The following RNF212B variants were observed in gnomAD, a reference collection of about 807,000 sequenced individuals.
RNF212B encodes ring finger protein 212B.
In RNF212B, 52 loss-of-function variants were observed where a neutral mutation model predicts 55.5. The observed-to-expected ratio is 0.94, with a 90% CI of 0.75 to 1.18. RNF212B has a LOEUF of 1.18. Ranked by LOEUF, RNF212B falls within the 50% of genes most tolerant of loss-of-function variation. The probability of loss-of-function intolerance (pLI) is 0.00; values close to 1 mark genes in which losing one functional copy is unlikely to be tolerated. For synonymous variants in RNF212B, 99 were observed against 121.4 expected, an observed-to-expected ratio of 0.82 and a Z score of 1.21; for missense variants, 289 against 350.4, an observed-to-expected ratio of 0.82 and a Z score of 1.40.
intron 2 of RNF212B, among the ~76,000 whole-genome samples, chr14:23,208,296 G>A (rs917719990): frequency 6.6e-6 from 1 of 152,134 alleles, no homozygotes; most frequent in African/African-American, 2.4e-5. Flanking sequence ...GAAGATCACT[G>A]GAGGCCAGGA....
upstream of RNF212B, among the ~76,000 whole-genome samples, chr14:23,236,586 T>A (rs1375984325): frequency 6.6e-6 from 1 of 152,124 alleles, no homozygotes; most frequent in Non-Finnish European, 1.5e-5. Context: ...ACACATTTAA[T>A]GGGGTTTATT....
At chr14:23,185,443 G>T (rs1450024076) in exon 1 of RNF212B, 1 of 152,178 alleles carries the variant, frequency 6.6e-6, no homozygotes, top group Non-Finnish European at 1.5e-5. Flanking sequence ...CTTCTGCTCC[G>T]ATTTCAACAT....
At chr14:23,239,248 C>T (rs540084080) in intron 1 of RNF212B, among the ~76,000 whole-genome samples, 5 of 152,224 alleles carry the variant, frequency 3.3e-5, no homozygotes, top group South Asian at 4.1e-4. Context: ...TTAGTAGAGA[C>T]GGAGTTTTGC....
At chr14:23,240,172 T>C (rs1883463692) in intron 1 of RNF212B, among the ~76,000 whole-genome samples, 173 bp from the exon 2 acceptor site, 1 of 152,176 alleles carries the variant, frequency 6.6e-6, no homozygotes, top group African/African-American at 2.4e-5. Flanking sequence ...TCTGCTTTTT[T>C]TTCACTGTAT....
chr14:23,224,300 C>A (rs1881821051), intron 2 of RNF212B, among the ~76,000 whole-genome samples: 1 of 151,080 alleles, frequency 6.6e-6, no homozygotes, highest in South Asian at 2.1e-4. Context: ...CCAAAGCTAT[C>A]CTGAGCAAAA....
Position 23,226,436 on chromosome 14 carries a change from C to T in RNF212B, c.-1-13909C>T, listed in dbSNP as rs185022502. Among the ~76,000 whole-genome samples, 45 of 151,810 alleles carry T rather than the reference C, an allele frequency of 3.0e-4. No individual in the cohort carries two copies. In the East Asian group the frequency reaches 8.3e-3, roughly 28 times the overall value. ...ACCAGGTCAGGAGATCGAGACCATC[C>T]TGGCTAACACGGTGGAACCCCATCT... On this transcript the variant is annotated intron_variant, in intron 2 of 15. Transcript: ENST00000399910.
chr14:23,247,784 A>C (rs1464447191), intron 4 of RNF212B, among the ~76,000 whole-genome samples: 4 of 152,194 alleles, frequency 2.6e-5, no homozygotes, highest in Non-Finnish European at 5.9e-5. Flanking sequence ...TCTTGGGTAT[A>C]TACCTACGAG....
In RNF212B at chr14:23,249,653, C is replaced by A. The variant is rs182873839; in HGVS notation, c.228+5257C>A. ...ACTTCTGAAACAGTGTAGTTGAATT[C>A]TTCATCACTACTGAGCAGGGGATTG... On this transcript the variant is annotated intron_variant, in intron 4 of 14. Transcript: ENST00000430154. Among the ~76,000 whole-genome samples the A allele has an allele frequency of 3.3e-3, 500 of 152,296 alleles. 2 individuals are homozygous for A. Among genetic ancestry groups the A allele is most frequent in the South Asian group, 6.4e-3 (31 of 4,828 alleles).
intron 2 of RNF212B, among the ~76,000 whole-genome samples, chr14:23,199,325 G>C (rs933102640): frequency 1.3e-5 from 2 of 151,992 alleles, no homozygotes; most frequent in African/African-American, 2.4e-5. Context: ...GTCACAGATA[G>C]GTGATACACA....
intron 2 of RNF212B, among the ~76,000 whole-genome samples, chr14:23,200,030 A>T (rs1175245711): frequency 1.3e-5 from 2 of 152,114 alleles, no homozygotes; most frequent in African/African-American, 4.8e-5. Flanking sequence ...AAAAAAAAAA[A>T]TTAGGCAAGA....
chr14:23,185,691 C>A (rs993796930), intron 1 of RNF212B, among the ~76,000 whole-genome samples: 2 of 152,148 alleles, frequency 1.3e-5, no homozygotes, highest in African/African-American at 4.8e-5. Flanking sequence ...TGGAATACAG[C>A]GGTACTAGGT....
In RNF212B at chr14:23,197,865, TA is replaced by T. The variant is rs1393752954; in HGVS notation, c.-2+4465del. On this transcript the variant is annotated intron_variant, in intron 2 of 15. Coordinates refer to the RNF212B transcript ENST00000399910. ...CAAAAAGAGAGTCAGCGAAGGGAGA[TA>T]GGGGTGGGGCCATTTCATAGGATTT... Among the ~76,000 whole-genome samples, 11 of 151,154 alleles carry T rather than the reference TA, an allele frequency of 7.3e-5. No individual in the cohort carries two copies. The South Asian group carries it at 8.4e-4, about 12-fold the overall frequency.
intron 2 of RNF212B, among the ~76,000 whole-genome samples, chr14:23,218,273 C>T (rs141984522): frequency 9.0e-4 from 137 of 151,972 alleles, no homozygotes; most frequent in African/African-American, 3.0e-3. Flanking sequence ...GAGGCTGAGA[C>T]AGGAGAATTG....
upstream of RNF212B, among the ~76,000 whole-genome samples, chr14:23,234,979 C>T (rs983805755): frequency 1.3e-4 from 19 of 151,906 alleles, 1 homozygote; most frequent in South Asian, 1.0e-3. Context: ...TTTGGGAGGC[C>T]GAGGCAGGTG....
At chr14:23,271,778 C>T (rs7141429) in intron 14 of RNF212B, among the ~76,000 whole-genome samples, 38,894 of 151,716 alleles carry the variant, frequency 0.26, 5,444 homozygotes, top group Middle Eastern at 0.34. Flanking sequence ...AATATATGGC[C>T]CCTAATTGGA....
At chr14:23,204,638 G>T (rs949587040) in intron 2 of RNF212B, among the ~76,000 whole-genome samples, 1 of 152,142 alleles carries the variant, frequency 6.6e-6, no homozygotes, top group Non-Finnish European at 1.5e-5. Context: ...TTATAGTATA[G>T]TTTGAAATCA....
At chr14:23,197,960 T>C (rs1319907407) in intron 2 of RNF212B, among the ~76,000 whole-genome samples, 1 of 152,062 alleles carries the variant, frequency 6.6e-6, no homozygotes, top group Non-Finnish European at 1.5e-5. Context: ...TCTCACAAAG[T>C]ACATTCTTAA....
At chr14:23,252,693 C>T (rs533143318) in intron 4 of RNF212B, among the ~76,000 whole-genome samples, 23 of 152,212 alleles carry the variant, frequency 1.5e-4, no homozygotes, top group Admixed American at 5.2e-4. Context: ...TCATGAGAAG[C>T]GGGGATGAAG....
chr14:23,229,296 A>T (rs1307997580), intron 2 of RNF212B, among the ~76,000 whole-genome samples: 1 of 138,666 alleles, frequency 7.2e-6, no homozygotes, highest in African/African-American at 2.7e-5. Flanking sequence ...ACTAATGGAC[A>T]TTTGTGTTGT....
Sources: gnomAD v4.1 joint callset for allele counts (sites outside exome capture counted in the v4.1 genomes callset) on GRCh38, gnomAD v4.1.1 for gene constraint, MANE v1.5 for transcripts, NCBI Gene and HGNC (gene_info 2026-07-23, HGNC 2026-07-21) for gene names.